AGFG1: variants seen among roughly 807,000 people sequenced by gnomAD.
AGFG1 encodes ArfGAP with FG repeats 1.
A neutral mutation model predicts 60.6 loss-of-function variants in AGFG1; 10 were observed. That is an observed-to-expected ratio of 0.16 (90% CI 0.10 to 0.28). AGFG1 has a LOEUF of 0.28. AGFG1 is among the 10% of genes least tolerant of loss of function. The pLI is 1.00. For missense variants in AGFG1, 537 were observed against 676.5 expected (o/e 0.79, Z 2.29); for synonymous variants, 247 against 242.9 (o/e 1.02, Z -0.16).
chr2:227,497,306 A>G (rs577821277), intron 2 of AGFG1, among the ~76,000 whole-genome samples: 1 of 152,284 alleles, frequency 6.6e-6, no homozygotes, highest in East Asian at 1.9e-4. Context: ...CTTGCAATGT[A>G]AATCTTTTTA....
intron 1 of AGFG1, among the ~76,000 whole-genome samples, chr2:227,487,795 A>T (rs767765991): frequency 2.0e-5 from 3 of 152,072 alleles, no homozygotes; most frequent in African/African-American, 4.8e-5. Context: ...GCAACTCATC[A>T]CTCTGAATGC....
intron 1 of AGFG1, among the ~76,000 whole-genome samples, chr2:227,477,889 C>A (rs1690332692): frequency 6.6e-6 from 1 of 152,148 alleles, no homozygotes; most frequent in African/African-American, 2.4e-5. Context: ...GGATTACAAG[C>A]ATGAGCCACC....
chr2:227,520,796 C>T (rs1159832577), intron 3 of AGFG1, among the ~76,000 whole-genome samples: 1 of 152,130 alleles, frequency 6.6e-6, no homozygotes, highest in African/African-American at 2.4e-5. Flanking sequence ...AATAGTATTG[C>T]ATAGTGGATA....
chr2:227,548,798 A>G (rs1692730423), intron 10 of AGFG1, among the ~76,000 whole-genome samples: 1 of 152,108 alleles, frequency 6.6e-6, no homozygotes, highest in African/African-American at 2.4e-5. Flanking sequence ...TTAGCTGGGC[A>G]TGGTGGTGGG....
At chr2:227,545,254 T>C (rs1292658554) in intron 10 of AGFG1, among the ~76,000 whole-genome samples, 1 of 152,240 alleles carries the variant, frequency 6.6e-6, no homozygotes, top group East Asian at 1.9e-4. Context: ...TTGAATCAGC[T>C]ACTGAAGCTT....
chr2:227,500,814 C>T (rs1227205836), intron 2 of AGFG1, among the ~76,000 whole-genome samples: 2 of 151,430 alleles, frequency 1.3e-5, no homozygotes, highest in African/African-American at 4.9e-5. Flanking sequence ...TTTTTTGAGA[C>T]AGAGTTTCGC....
At chr2:227,487,388 GT>G (rs1223267874) in intron 1 of AGFG1, among the ~76,000 whole-genome samples, 10 of 144,334 alleles carry the variant, frequency 6.9e-5, no homozygotes, top group East Asian at 2.0e-4. Flanking sequence ...TGGTTTGTCT[GT>G]TTTTTTTTTG....
At chr2:227,477,482 C>A (rs900636541) in intron 1 of AGFG1, among the ~76,000 whole-genome samples, 1 of 152,164 alleles carries the variant, frequency 6.6e-6, no homozygotes, top group African/African-American at 2.4e-5. Context: ...GATGCTGATT[C>A]CACCACCAAA....
intron 10 of AGFG1, among the ~76,000 whole-genome samples, chr2:227,544,044 C>T (rs1157561770): frequency 3.9e-5 from 6 of 152,024 alleles, no homozygotes; most frequent in Admixed American, 1.3e-4. Flanking sequence ...CTTCCTCCAT[C>T]CCTTTATTTT....
chr2:227,493,507 C>T (rs1177589861), intron 2 of AGFG1, among the ~76,000 whole-genome samples: 2 of 152,068 alleles, frequency 1.3e-5, no homozygotes, highest in South Asian at 4.2e-4. Context: ...TTTTTTAAGG[C>T]TATAGCATTA....
At chr2:227,472,983 G>GC (rs1690154220) in intron 1 of AGFG1, among the ~76,000 whole-genome samples, 1 of 149,104 alleles carries the variant, frequency 6.7e-6, no homozygotes, top group African/African-American at 2.5e-5. Context: ...ACGCTAGGAG[G>GC]CCGGGGGGGA....
intron 2 of AGFG1, among the ~76,000 whole-genome samples, chr2:227,501,287 G>C (rs1190731619): frequency 6.6e-6 from 1 of 152,140 alleles, no homozygotes; most frequent in Non-Finnish European, 1.5e-5. Context: ...TGCCATGTTG[G>C]CCAGGATGGT....
Position 227,557,414 on chromosome 2 carries a change from A to T in AGFG1, c.*2919A>T, listed in dbSNP as rs1436692493. ...CCTGCACACACACCCACTTTAGTAC[A>T]GTTCCTGTCAATTGGCAACATGGAG... is the stretch of plus-strand genomic sequence containing the variant. On this transcript the variant is annotated 3_prime_UTR_variant, in exon 13 of 13. Coordinates refer to ENST00000310078, the MANE Select transcript of AGFG1 (RefSeq NM_004504.5). 6.6e-6 allele frequency: 1 copy of T among 152,158 alleles called. No homozygotes were observed. The highest frequency in any genetic ancestry group is 1.5e-5 in the Non-Finnish European group (1 of 68,042). The allele number at this position is 152,158 out of a possible 1,614,324, so 9.4% of individuals were successfully genotyped here. A position where few individuals can be genotyped will look rare whatever the true frequency, so the allele number is the denominator to read the frequency against.
chr2:227,472,987 G>A (rs868693869), intron 1 of AGFG1, among the ~76,000 whole-genome samples: 2 of 151,304 alleles, frequency 1.3e-5, no homozygotes, highest in Non-Finnish European at 3.0e-5. Flanking sequence ...TAGGAGGCCG[G>A]GGGGGAGGTC....
intron 10 of AGFG1, among the ~76,000 whole-genome samples, chr2:227,539,700 G>A (rs1025648833): frequency 7.2e-5 from 10 of 138,972 alleles, no homozygotes; most frequent in Non-Finnish European, 1.4e-4. Flanking sequence ...AACTGTGATT[G>A]CGCCACCACA....
intron 1 of AGFG1, among the ~76,000 whole-genome samples, chr2:227,478,488 C>T (rs192258207): frequency 1.6e-4 from 25 of 152,024 alleles, no homozygotes; most frequent in African/African-American, 5.5e-4. Context: ...GGACTACAGG[C>T]GCGTGCCACC....
intron 2 of AGFG1, among the ~76,000 whole-genome samples, chr2:227,518,698 G>A (rs1691731809): frequency 6.6e-6 from 1 of 151,586 alleles, no homozygotes; most frequent in Non-Finnish European, 1.5e-5. Flanking sequence ...TAATTTTTTT[G>A]TATTTTTAGT....
intron 1 of AGFG1, among the ~76,000 whole-genome samples, chr2:227,480,507 C>G (rs757221584): frequency 1.3e-5 from 2 of 152,038 alleles, no homozygotes; most frequent in Non-Finnish European, 2.9e-5. Context: ...TCAGGTGATT[C>G]TCCTGCCTCA....
intron 3 of AGFG1, 129 bp downstream of exon 3, chr2:227,520,192 C>T (rs574783550): frequency 3.1e-5 from 17 of 540,432 alleles, no homozygotes; most frequent in East Asian, 3.6e-5. Context: ...AATTCATTAT[C>T]CCTTGGCTTT....
Sources: allele counts gnomAD v4.1 joint callset (sites outside exome capture counted in the v4.1 genomes callset), GRCh38; gene constraint gnomAD v4.1.1; transcripts MANE v1.5; gene names NCBI Gene and HGNC (gene_info 2026-07-23, HGNC 2026-07-21).